Variants in PTPN4 observed in about 807,000 individuals in gnomAD.
PTPN4 encodes protein tyrosine phosphatase non-receptor type 4, also known as tyrosine-protein phosphatase non-receptor type 4.
Under a neutral mutation model 135.5 loss-of-function variants are expected in PTPN4, and 49 were observed. The ratio of observed to expected loss-of-function variants is 0.36; its 90% confidence interval spans 0.29 to 0.46. PTPN4 has a LOEUF of 0.46. Among genes scored for constraint, PTPN4 ranks in the 20% least tolerant of loss-of-function variants. PTPN4 has a pLI of 1.00. For synonymous variants in PTPN4, 333 were observed against 369.9 expected (o/e 0.90, Z 1.14); for missense variants, 860 against 1,101.0 (o/e 0.78, Z 3.10).
At chr2:119,824,653 A>G (rs1429245197) in intron 2 of PTPN4, among the ~76,000 whole-genome samples, 1 of 152,150 alleles carries the variant, frequency 6.6e-6, no homozygotes, top group East Asian at 1.9e-4. Flanking sequence ...CTTTTTGGTG[A>G]CATGACTCCT....
At chr2:119,975,755 C>T (rs942920620) in intron 26 of PTPN4, among the ~76,000 whole-genome samples, 1 of 151,956 alleles carries the variant, frequency 6.6e-6, no homozygotes, top group African/African-American at 2.4e-5. Context: ...TAGCTCTCCT[C>T]TATATGGTTG....
chr2:119,854,483 A>C (rs1054833691), intron 2 of PTPN4, among the ~76,000 whole-genome samples: 14 of 152,056 alleles, frequency 9.2e-5, no homozygotes, highest in Admixed American at 2.6e-4. Flanking sequence ...CTGCTGTTAG[A>C]GAGTTTTGGG....
intron 10 of PTPN4, among the ~76,000 whole-genome samples, chr2:119,909,859 TAAC>T: frequency 6.6e-6 from 1 of 152,104 alleles, no homozygotes; most frequent in East Asian, 1.9e-4. Context: ...GGGGTGGAAA[TAAC>T]AAGAGAACTA....
chr2:119,826,487 C>G lies in PTPN4; in HGVS notation c.138+16496C>G, dbSNP rs1008916623. ...AGACTTTGCATCTCCCCAACCCAATCTCCAAGGGACATTTGGCAACGTCTG... is the reference window on the plus strand; with the variant it reads ...AGACTTTGCATCTCCCCAACCCAATGTCCAAGGGACATTTGGCAACGTCTG... On this transcript the variant is annotated intron_variant, in intron 2 of 26. Coordinates refer to ENST00000263708, the MANE Select transcript of PTPN4 (RefSeq NM_002830.4). Among the ~76,000 whole-genome samples, 7 of 152,226 alleles carry G rather than the reference C, an allele frequency of 4.6e-5. No homozygotes were observed. The East Asian group carries it at 1.2e-3, about 25-fold the overall frequency.
intron 1 of PTPN4, among the ~76,000 whole-genome samples, 199 bp from the exon 2 acceptor site, chr2:119,809,636 CTT>C (rs1183211731): frequency 6.6e-6 from 1 of 151,724 alleles, no homozygotes; most frequent in Admixed American, 6.6e-5. Context: ...AAAAAAACCT[CTT>C]TTTCAAAGCA....
intron 1 of PTPN4, among the ~76,000 whole-genome samples, chr2:119,787,701 A>T (rs866525682): frequency 3.7e-4 from 57 of 152,302 alleles, no homozygotes; most frequent in African/African-American, 1.1e-3. Flanking sequence ...TAGGTCTTGT[A>T]CTTTCTAGCA....
In PTPN4 at chr2:119,863,889, A is replaced by G. The variant is rs182777212; in HGVS notation, c.246+1246A>G. Among the ~76,000 whole-genome samples the G allele has an allele frequency of 3.3e-5, 5 of 152,270 alleles. No individual in the cohort carries two copies. The East Asian group carries it at 9.6e-4, about 29-fold the overall frequency. ...CTGTTGTTTCCTGATAAATAAACCC[A>G]TGTAAAAATGGAAGTGAGTAGAAAT... On this transcript the variant is annotated intron_variant, in intron 3 of 26. Transcript: ENST00000263708.
rs565749659 is a variant in PTPN4, at chr2:119,787,856, C to T, written c.-17-21981C>T. 2.0e-5 allele frequency among the ~76,000 whole-genome samples: 3 copies of T among 152,274 alleles called. No individual in the cohort carries two copies. The South Asian group carries it at 6.2e-4, about 32-fold the overall frequency. ...CCTAAGTTGGTGTGTATGTTTTCCA[C>T]TTCTAGTTTTAAAGCCCAGTATGTG... On this transcript the variant is annotated intron_variant, in intron 1 of 26. Transcript: ENST00000263708.
chr2:119,760,993 G>C (rs946746954), intron 1 of PTPN4, among the ~76,000 whole-genome samples: 7 of 152,072 alleles, frequency 4.6e-5, no homozygotes, highest in Non-Finnish European at 4.4e-5. Flanking sequence ...GCAAAACTTA[G>C]GGTGGAAGAT....
chr2:119,910,485 A>C (rs183399612), intron 10 of PTPN4, among the ~76,000 whole-genome samples: 1 of 152,144 alleles, frequency 6.6e-6, no homozygotes, highest in Non-Finnish European at 1.5e-5. Context: ...GCATAATAAA[A>C]TCATATTGTG....
chr2:119,961,376 T>C (rs1267136034), intron 23 of PTPN4, among the ~76,000 whole-genome samples: 8 of 152,204 alleles, frequency 5.3e-5, no homozygotes, highest in Non-Finnish European at 1.5e-5. Context: ...AATGAGACTT[T>C]ATATCCTAGA....
chr2:119,760,740 T>TTG lies in PTPN4; in HGVS notation c.-18+357_-18+358insGT, dbSNP rs1558716834. 2.9e-5 allele frequency among the ~76,000 whole-genome samples: 4 copies of TTG among 136,726 alleles called. No individual in the cohort carries two copies. The South Asian group carries it at 1.0e-3, about 34-fold the overall frequency. The allele number at this position is 136,726 out of a possible 152,430, so 89.7% of individuals were successfully genotyped here. A position where few individuals can be genotyped will look rare whatever the true frequency, so the allele number is the denominator to read the frequency against. ...CCATTGCTGGTAGAATTCCTTTTTT[T>TTG]TTTTTTTTTTTTTTTGGCTCATATG... On this transcript the variant is annotated intron_variant, in intron 1 of 26. Transcript: ENST00000263708.
chr2:119,882,436 G>A (rs1678093884), intron 7 of PTPN4, 67 bp from the exon 8 acceptor site: 7 of 1,361,072 alleles, frequency 5.1e-6, no homozygotes, highest in Middle Eastern at 2.0e-4. Context: ...TAATGGCATC[G>A]CTGATTTGAC....
At chr2:119,898,339 C>T (rs1450245913) in intron 9 of PTPN4, among the ~76,000 whole-genome samples, 3 of 152,074 alleles carry the variant, frequency 2.0e-5, no homozygotes, top group East Asian at 1.9e-4. Flanking sequence ...ATTTTTAACA[C>T]GGAATTGTGG....
At chr2:119,928,441 T>C (rs1268802927) in intron 13 of PTPN4, among the ~76,000 whole-genome samples, 1 of 152,132 alleles carries the variant, frequency 6.6e-6, no homozygotes, top group East Asian at 1.9e-4. Context: ...AAATGGTAAG[T>C]TAATCTTTAT....
At chr2:119,784,888 G>T (rs2104931115) in intron 1 of PTPN4, among the ~76,000 whole-genome samples, 2 of 151,992 alleles carry the variant, frequency 1.3e-5, no homozygotes, top group Middle Eastern at 6.8e-3. Context: ...AGCAGCATAA[G>T]TCAAAGTTTC....
In PTPN4 at chr2:119,848,335, G is replaced by A. The variant is rs561633031; in HGVS notation, c.139-14201G>A. 6.6e-5 allele frequency among the ~76,000 whole-genome samples: 10 copies of A among 151,670 alleles called. No individual in the cohort carries two copies. The South Asian group carries it at 8.3e-4, about 13-fold the overall frequency. ...ACTACAGGCGCCCACCACCATGCCC[G>A]GCTAATTTTTTGTATTTTTAATAGA... On this transcript the variant is annotated intron_variant, in intron 2 of 26. Coordinates refer to ENST00000263708, the MANE Select transcript of PTPN4 (RefSeq NM_002830.4).
intron 23 of PTPN4, among the ~76,000 whole-genome samples, chr2:119,961,277 A>G (rs533945989): frequency 2.0e-5 from 3 of 152,364 alleles, no homozygotes; most frequent in Admixed American, 6.5e-5. Context: ...ATCTGAATAG[A>G]CAGTTCTCCA....
chr2:119,766,462 G>GCA (rs1690628634), intron 1 of PTPN4, among the ~76,000 whole-genome samples: 1 of 138,762 alleles, frequency 7.2e-6, no homozygotes, highest in Non-Finnish European at 1.5e-5. Flanking sequence ...GTGTGTGTGT[G>GCA]TGTGTGTGTG....
Sources: gnomAD v4.1 joint callset for allele counts (sites outside exome capture counted in the v4.1 genomes callset) on GRCh38, gnomAD v4.1.1 for gene constraint, MANE v1.5 for transcripts, NCBI Gene and HGNC (gene_info 2026-07-23, HGNC 2026-07-21) for gene names.